GXYLT1: variants seen among roughly 807,000 people sequenced by gnomAD.
The protein encoded by GXYLT1 is glucoside xylosyltransferase 1.
In GXYLT1, 29 loss-of-function variants were observed where a neutral mutation model predicts 54.0. The observed-to-expected ratio is 0.54, with a 90% CI of 0.40 to 0.73. The LOEUF (loss-of-function observed/expected upper bound fraction) is 0.73, where lower values mean the gene tolerates loss of function less well. Ranked by LOEUF, GXYLT1 falls within the 30% of genes least tolerant of loss-of-function variation. GXYLT1 has a pLI of 0.00. For missense variants in GXYLT1, 490 were observed against 553.4 expected, an observed-to-expected ratio of 0.89 and a Z score of 1.15; for synonymous variants, 176 against 204.1, an observed-to-expected ratio of 0.86 and a Z score of 1.17.
At chr12:42,144,399 GT>G in intron 1 of GXYLT1, 26 bp downstream of exon 1, 1 of 1,346,274 alleles carries the variant, frequency 7.4e-7, no homozygotes, top group Non-Finnish European at 9.6e-7. Flanking sequence ...CGCCCGCCGC[GT>G]CCCCCACACC....
In GXYLT1 at chr12:42,144,598, AG is replaced by A. The variant is rs1418109288; in HGVS notation, c.48del (p.Cys17AlafsTer41). ...TGGCTGAAAGCGTAAAGGAGCGAGC[AG>A]AAGCCGCAGGCCACACACAGCACCA... The part of the protein sequence containing the change: ...RVVVLCVACG[F>X]CSLLYAFSQL... On this transcript the variant is annotated frameshift_variant, in exon 1 of 8. Coordinates refer to ENST00000398675, the MANE Select transcript of GXYLT1 (RefSeq NM_173601.2). LOFTEE classifies it high-confidence loss of function. The A allele has an allele frequency of 6.8e-7, 1 of 1,470,428 alleles. No individual in the cohort carries two copies. The highest frequency in any genetic ancestry group is 9.0e-7 in the Non-Finnish European group (1 of 1,108,240). 91.1% of individuals were successfully genotyped at this position (1,470,428 alleles called of 1,614,324 possible). A position where few individuals can be genotyped will look rare whatever the true frequency, so the allele number is the denominator to read the frequency against.
chr12:42,122,109 A>G (rs2065534955), intron 2 of GXYLT1, among the ~76,000 whole-genome samples: 1 of 152,200 alleles, frequency 6.6e-6, no homozygotes, highest in Non-Finnish European at 1.5e-5. Flanking sequence ...AGAAAAGTCC[A>G]TCTGGATTTA....
intron 2 of GXYLT1, among the ~76,000 whole-genome samples, chr12:42,122,586 T>C (rs1383802288): frequency 3.9e-5 from 6 of 151,942 alleles, no homozygotes; most frequent in African/African-American, 1.2e-4. Flanking sequence ...CGAGACTCTT[T>C]CAAAAAAATA....
At chr12:42,130,281 T>C (rs1237979531) in intron 1 of GXYLT1, among the ~76,000 whole-genome samples, 1 of 152,214 alleles carries the variant, frequency 6.6e-6, no homozygotes, top group South Asian at 2.1e-4. Context: ...AGAAGATCTT[T>C]AAATGCTTTT....
At chr12:42,090,582 C>T (rs977189083) in intron 7 of GXYLT1, among the ~76,000 whole-genome samples, 1 of 152,078 alleles carries the variant, frequency 6.6e-6, no homozygotes, top group Admixed American at 6.6e-5. Flanking sequence ...GTCAGTTGAA[C>T]GACATGAAAT....
At chr12:42,102,891 TATTTA>T (rs145294732) in intron 5 of GXYLT1, among the ~76,000 whole-genome samples, 2,337 of 152,048 alleles carry the variant, frequency 0.015, 57 homozygotes, top group African/African-American at 0.053. Flanking sequence ...TTGTATTTAA[TATTTA>T]ATTTAATTTA....
intron 1 of GXYLT1, among the ~76,000 whole-genome samples, chr12:42,132,607 T>C (rs967097537): frequency 7.9e-5 from 12 of 152,212 alleles, no homozygotes; most frequent in African/African-American, 2.7e-4. Context: ...GTTGCCAACA[T>C]GCAGAAGTTG....
intron 4 of GXYLT1, among the ~76,000 whole-genome samples, chr12:42,106,777 A>T (rs2065424176): frequency 7.7e-6 from 1 of 129,886 alleles, no homozygotes. Flanking sequence ...ACAGAGTCTC[A>T]CTCTGTCACC....
At chr12:42,118,857 A>G in intron 3 of GXYLT1, 143 bp downstream of exon 3, 2 of 634,020 alleles carry the variant, frequency 3.2e-6, no homozygotes, top group South Asian at 5.2e-5. Flanking sequence ...CTGAACTGTG[A>G]GTCAATTAAA....
chr12:42,144,382 C>T, intron 1 of GXYLT1, 44 bp downstream of exon 1: 2 of 1,284,934 alleles, frequency 1.6e-6, no homozygotes, highest in Non-Finnish European at 2.0e-6. Context: ...CCGCGCCCAG[C>T]GCCCCGCGCC....
At chr12:42,111,767 C>A (rs1217983356) in intron 3 of GXYLT1, among the ~76,000 whole-genome samples, 1 of 152,376 alleles carries the variant, frequency 6.6e-6, no homozygotes, top group South Asian at 2.1e-4. Context: ...ATGTCCCTCT[C>A]TGACCGCTTT....
chr12:42,139,898 A>G (rs1330671320), intron 1 of GXYLT1, among the ~76,000 whole-genome samples: 4 of 152,208 alleles, frequency 2.6e-5, no homozygotes, highest in Admixed American at 2.6e-4. Flanking sequence ...AGGGGGGAAA[A>G]GGGCTGGGCA....
chr12:42,139,045 A>AC (rs1229017528), intron 1 of GXYLT1, among the ~76,000 whole-genome samples: 4 of 151,668 alleles, frequency 2.6e-5, no homozygotes, highest in African/African-American at 7.3e-5. Flanking sequence ...CTCAAAAAAA[A>AC]AAAAAGCCAG....
Position 42,085,422 on chromosome 12 carries a change from C to CTA in GXYLT1, c.*2363_*2364insTA, listed in dbSNP as rs2065284616. On this transcript the variant is annotated 3_prime_UTR_variant, in exon 8 of 8. Coordinates refer to ENST00000398675, the MANE Select transcript of GXYLT1 (RefSeq NM_173601.2). ...AATTAGAGCCCATGGGGCTGAGATT[C>CTA]TCCGTTCACTGAGGAAATTTTATCT... is the stretch of plus-strand genomic sequence containing the variant. 1 of 152,196 alleles carries CTA rather than the reference C, an allele frequency of 6.6e-6. No individual in the cohort carries two copies. The highest frequency in any genetic ancestry group is 6.5e-5 in the Admixed American group (1 of 15,290). 9.4% of individuals were successfully genotyped at this position (152,196 alleles called of 1,614,324 possible).
intron 7 of GXYLT1, 85 bp downstream of exon 7, chr12:42,097,357 T>C: frequency 1.9e-6 from 2 of 1,060,242 alleles, no homozygotes; most frequent in Non-Finnish European, 2.6e-6. Flanking sequence ...TGTGTAAAAA[T>C]TCTTTGTACT....
At position 42,100,577 on chromosome 12, in the gene GXYLT1, T is replaced by C. The variant is rs824730; in HGVS notation, c.865-2544A>G. On this transcript the variant is annotated intron_variant, in intron 5 of 7. Coordinates refer to ENST00000398675, the MANE Select transcript of GXYLT1 (RefSeq NM_173601.2). ...ATGAAAAAAAAAAAATCCACATACTTAAATTGATGTGCTACAACTGCATTA... is the reference window on the plus strand; with the variant it reads ...ATGAAAAAAAAAAAATCCACATACTCAAATTGATGTGCTACAACTGCATTA... Among the ~76,000 whole-genome samples, 184 of 152,088 alleles carry C rather than the reference T, an allele frequency of 1.2e-3. 1 individual carries two copies. The highest frequency in any genetic ancestry group is 4.4e-3 in the African/African-American group (181 of 41,538).
intron 1 of GXYLT1, among the ~76,000 whole-genome samples, chr12:42,143,961 G>T (rs576053870): frequency 1.3e-4 from 20 of 152,066 alleles, no homozygotes; most frequent in African/African-American, 4.6e-4. Flanking sequence ...CGTTAACACA[G>T]GAAAATCAGC....
chr12:42,123,910 TAA>T (rs1403275017), intron 2 of GXYLT1, among the ~76,000 whole-genome samples: 41 of 149,866 alleles, frequency 2.7e-4, no homozygotes, highest in African/African-American at 2.5e-5. Flanking sequence ...CTCTTACTAT[TAA>T]AAGAGTTGTT....
intron 5 of GXYLT1, among the ~76,000 whole-genome samples, chr12:42,098,629 T>C (rs1006139013): frequency 7.9e-5 from 12 of 151,702 alleles, no homozygotes; most frequent in African/African-American, 2.9e-4. Flanking sequence ...GAGAAATGTA[T>C]GAGTTTTGTG....
Sources: gnomAD v4.1 joint callset for allele counts (sites outside exome capture counted in the v4.1 genomes callset) on GRCh38, gnomAD v4.1.1 for gene constraint, MANE v1.5 for transcripts, NCBI Gene and HGNC (gene_info 2026-07-23, HGNC 2026-07-21) for gene names.